The following LRBA variants were observed in gnomAD, a reference collection of about 807,000 sequenced individuals.
The protein encoded by LRBA is lipopolysaccharide-responsive and beige-like anchor protein.
A neutral mutation model predicts 330.0 loss-of-function variants in LRBA; 176 were observed. That is an observed-to-expected ratio of 0.53 (90% CI 0.47 to 0.60). LRBA has a LOEUF of 0.60. LRBA is among the 20% of genes least tolerant of loss of function. The pLI is 0.00. For synonymous variants in LRBA, 1,230 were observed against 1,193.0 expected (o/e 1.03, Z -0.64); for missense variants, 3,259 against 3,444.8 (o/e 0.95, Z 1.35).
At chr4:150,376,952 G>A (rs1741429603) in intron 47 of LRBA, among the ~76,000 whole-genome samples, 1 of 151,964 alleles carries the variant, frequency 6.6e-6, no homozygotes, top group Admixed American at 6.6e-5. Context: ...CATGCCCACA[G>A]GGAAAAGGTC....
intron 2 of LRBA, 99 bp downstream of exon 2, chr4:151,014,328 T>G (rs1397203302): frequency 1.0e-5 from 9 of 897,342 alleles, no homozygotes; most frequent in Non-Finnish European, 1.5e-5. Flanking sequence ...ACGAAAAAAG[T>G]CACCATCAGT....
intron 44 of LRBA, among the ~76,000 whole-genome samples, chr4:150,456,377 AGAT>A (rs1172884742): frequency 1.3e-5 from 2 of 152,136 alleles, no homozygotes; most frequent in Non-Finnish European, 2.9e-5. Flanking sequence ...AATTGGAGTG[AGAT>A]GATAGCTCAT....
At chr4:150,920,391 A>C (rs1478955404) in intron 5 of LRBA, among the ~76,000 whole-genome samples, 1 of 152,158 alleles carries the variant, frequency 6.6e-6, no homozygotes, top group East Asian at 1.9e-4. Context: ...TCTACTAAAA[A>C]TACAAAAATT....
chr4:150,754,521 C>CAAAAAAAAAAAA (rs755838647), intron 35 of LRBA, among the ~76,000 whole-genome samples: 2 of 86,064 alleles, frequency 2.3e-5, no homozygotes, highest in Non-Finnish European at 2.1e-5. Context: ...CCTGTCTCAC[C>CAAAAAAAAAAAA]AAAAAAAAAA....
intron 28 of LRBA, among the ~76,000 whole-genome samples, chr4:150,839,730 C>T (rs1030520531): frequency 6.6e-6 from 1 of 152,044 alleles, no homozygotes; most frequent in African/African-American, 2.4e-5. Context: ...CACACCAGGG[C>T]CTGTCATGGG....
At chr4:150,273,036 A>G (rs2126719352) in intron 56 of LRBA, among the ~76,000 whole-genome samples, 1 of 152,320 alleles carries the variant, frequency 6.6e-6, no homozygotes, top group South Asian at 2.1e-4. Context: ...GAAATGAAGG[A>G]AAAATTGTTA....
At chr4:150,789,843 T>A (rs939935175) in intron 34 of LRBA, among the ~76,000 whole-genome samples, 8 of 152,138 alleles carry the variant, frequency 5.3e-5, no homozygotes, top group Non-Finnish European at 1.2e-4. Context: ...GAGACACTGA[T>A]CTGTATTCTT....
rs560528731 is a variant in LRBA, at chr4:150,405,224, C to T, written c.7194+10214G>A. ...GTCATTTTAAGTGAGGAACAAAAAGCTCTATGCATCTCAGAAACTTCAAGG... is the reference window on the plus strand; with the variant it reads ...GTCATTTTAAGTGAGGAACAAAAAGTTCTATGCATCTCAGAAACTTCAAGG... On this transcript the variant is annotated intron_variant, in intron 47 of 56. Transcript: ENST00000651943. Among the ~76,000 whole-genome samples the T allele has an allele frequency of 3.9e-5, 6 of 152,262 alleles. No homozygotes were observed. In the South Asian group the frequency reaches 1.0e-3, roughly 26 times the overall value.
At chr4:150,939,493 C>T (rs1057136490) in intron 2 of LRBA, among the ~76,000 whole-genome samples, 2 of 152,198 alleles carry the variant, frequency 1.3e-5, no homozygotes, top group African/African-American at 4.8e-5. Flanking sequence ...TCAGAACCAA[C>T]CATGCCAACA....
intron 44 of LRBA, among the ~76,000 whole-genome samples, chr4:150,443,018 A>C (rs1752033610): frequency 1.3e-5 from 2 of 152,210 alleles, no homozygotes; most frequent in Non-Finnish European, 2.9e-5. Flanking sequence ...CGAGTCTTAC[A>C]TAAATCATCT....
At chr4:150,870,204 C>G (rs1344419384) in intron 20 of LRBA, among the ~76,000 whole-genome samples, 3 of 152,166 alleles carry the variant, frequency 2.0e-5, no homozygotes. Flanking sequence ...TAAGATAAAA[C>G]TACCCCAATG....
chr4:150,725,346 A>G (rs1043384501), intron 36 of LRBA, among the ~76,000 whole-genome samples: 11 of 152,332 alleles, frequency 7.2e-5, no homozygotes, highest in Non-Finnish European at 1.6e-4. Flanking sequence ...GCAGCAAGAG[A>G]AAAGAAATCA....
chr4:150,529,120 A>G (rs973096413), intron 40 of LRBA, among the ~76,000 whole-genome samples: 2 of 152,218 alleles, frequency 1.3e-5, no homozygotes, highest in South Asian at 4.1e-4. Context: ...ATATTTTCAT[A>G]CAGCAAAATC....
At chr4:150,506,887 A>G (rs560203205) in intron 40 of LRBA, among the ~76,000 whole-genome samples, 2 of 152,240 alleles carry the variant, frequency 1.3e-5, no homozygotes, top group Non-Finnish European at 2.9e-5. Context: ...AAGTCTCAGG[A>G]TATAAAATCA....
intron 43 of LRBA, among the ~76,000 whole-genome samples, chr4:150,470,682 G>C (rs543817880): frequency 6.6e-6 from 1 of 152,004 alleles, no homozygotes; most frequent in South Asian, 2.1e-4. Context: ...TCCCACTAAC[G>C]CAGGCCAGAA....
intron 40 of LRBA, among the ~76,000 whole-genome samples, chr4:150,501,742 ACTT>A (rs1760304625): frequency 6.6e-6 from 1 of 152,196 alleles, no homozygotes. Flanking sequence ...GGGTCAGAAT[ACTT>A]CCACTTTTGA....
chr4:150,660,502 C>A (rs1367239586), intron 37 of LRBA, among the ~76,000 whole-genome samples: 1 of 151,576 alleles, frequency 6.6e-6, no homozygotes, highest in African/African-American at 2.4e-5. Flanking sequence ...CCCCCCCGCC[C>A]GGCCAGCCGC....
In LRBA at chr4:150,908,717, T is replaced by C; in HGVS notation, c.1302A>G (p.Ser434=). 6.2e-7 allele frequency: 1 copy of C among 1,614,008 alleles called. No individual in the cohort carries two copies. The highest frequency in any genetic ancestry group is 8.5e-7 in the Non-Finnish European group (1 of 1,179,916). ...AAATTGAAGGGTTGTCCTTAGGAGA[T>C]GATTCAAGACAAAGCTGGGCATCTG... is the stretch of plus-strand genomic sequence containing the variant. ...RATDAQLCLE[S]SPKDNPSIFV... is the part of the protein sequence containing the mutation. Residue 434 remains serine, a synonymous_variant, in exon 10 of 57, where the codon TCA becomes TCG. Coordinates refer to ENST00000651943, the MANE Select transcript of LRBA (RefSeq NM_001364905.1).
intron 46 of LRBA, among the ~76,000 whole-genome samples, chr4:150,424,752 G>C (rs1749332585): frequency 6.6e-6 from 1 of 152,222 alleles, no homozygotes; most frequent in Non-Finnish European, 1.5e-5. Flanking sequence ...CACAGACATG[G>C]GAAGAACATG....
Sources: allele counts gnomAD v4.1 joint callset (sites outside exome capture counted in the v4.1 genomes callset), GRCh38; gene constraint gnomAD v4.1.1; transcripts MANE v1.5; gene names NCBI Gene and HGNC (gene_info 2026-07-23, HGNC 2026-07-21).